Variants in SOX6 observed in about 807,000 individuals in gnomAD.
SOX6 encodes the protein transcription factor SOX-6.
SOX6 carries 11 observed loss-of-function variants against 97.8 expected under a neutral mutation model. The ratio of observed to expected loss-of-function variants is 0.11; its 90% CI spans 0.07 to 0.19. The LOEUF is 0.19. Among genes scored for constraint, SOX6 ranks in the 10% least tolerant of loss-of-function variants. The pLI, the probability that SOX6 is intolerant of heterozygous loss-of-function variation, is 1.00. For missense variants in SOX6, 810 were observed against 1,039.5 expected, an observed-to-expected ratio of 0.78 and a Z score of 3.04; for synonymous variants, 360 against 371.4, an observed-to-expected ratio of 0.97 and a Z score of 0.35.
chr11:16,528,992 C>A (rs1317182520), intron 4 of SOX6, among the ~76,000 whole-genome samples: 1 of 152,002 alleles, frequency 6.6e-6, no homozygotes, highest in African/African-American at 2.4e-5. Flanking sequence ...AAATCTAAAA[C>A]CCATGCCATC....
intron 1 of SOX6, among the ~76,000 whole-genome samples, chr11:16,447,939 A>T (rs145813937): frequency 4.2e-4 from 64 of 152,352 alleles, no homozygotes; most frequent in African/African-American, 1.3e-3. Context: ...GGGCAGAAAC[A>T]GAGCTAATCA....
At chr11:16,726,537 G>C (rs1267823406) in intron 2 of SOX6, among the ~76,000 whole-genome samples, 1 of 152,176 alleles carries the variant, frequency 6.6e-6, no homozygotes, top group Non-Finnish European at 1.5e-5. Flanking sequence ...CCTCAGTAAA[G>C]CTATTATTTA....
In SOX6 at chr11:16,116,056, G is replaced by A. The variant is rs951813335; in HGVS notation, c.778-4133C>T. 1.1e-4 allele frequency among the ~76,000 whole-genome samples: 17 copies of A among 152,088 alleles called. 1 individual carries two copies. Among genetic ancestry groups the A allele is most frequent in the Non-Finnish European group, 5.9e-5 (4 of 68,010 alleles). The stretch of plus-strand genomic sequence containing the variant: ...AAGTAAAACAATAAACTTATTTTAA[G>A]TAAAATGATGTAAAAACTCCAAGTG... On this transcript the variant is annotated intron_variant, in intron 6 of 15. Transcript: ENST00000683767.
rs575264712 is a variant in SOX6, at chr11:16,144,122, G to A, written c.778-32199C>T. Reference sequence around the variant, plus strand: ...GGAAGTAAAGCACTCCGCAGCAAATGTAAAAGAACAGAAATTATAATAAAC... The same window carrying A: ...GGAAGTAAAGCACTCCGCAGCAAATATAAAAGAACAGAAATTATAATAAAC... On this transcript the variant is annotated intron_variant, in intron 6 of 15. Coordinates refer to ENST00000683767, the MANE Select transcript of SOX6 (RefSeq NM_001367873.1). 1.0e-3 allele frequency among the ~76,000 whole-genome samples: 159 copies of A among 152,252 alleles called. 1 individual carries two copies. Among genetic ancestry groups the A allele is most frequent in the African/African-American group, 3.6e-3 (148 of 41,536 alleles).
Position 16,674,541 on chromosome 11 carries a change from C to T in SOX6, n.429+40289G>A, listed in dbSNP as rs571716879. ...AGTAATTCAACGTAGTACTGAAGTC[C>T]TAGCTAGGGCAATCAGACAAGAGAA... is the stretch of plus-strand genomic sequence containing the variant. On this transcript the variant is annotated intron_variant and non_coding_transcript_variant, in intron 3 of 5. Transcript: ENST00000524520. Among the ~76,000 whole-genome samples the T allele has an allele frequency of 2.0e-5, 3 of 152,298 alleles. No individual in the cohort carries two copies. In the South Asian group the frequency reaches 6.2e-4, roughly 32 times the overall value.
At chr11:16,158,525 C>A (rs973338057) in intron 6 of SOX6, among the ~76,000 whole-genome samples, 1 of 151,950 alleles carries the variant, frequency 6.6e-6, no homozygotes, top group African/African-American at 2.4e-5. Flanking sequence ...CCTGTTTCTT[C>A]ATATTATTGG....
intron 12 of SOX6, chr11:16,031,433 C>G (rs1416669701): frequency 6.6e-6 from 1 of 152,178 alleles, no homozygotes. Context: ...CCCCCCTAGG[C>G]TGTGCAACTG....
At chr11:16,692,607 T>A (rs1405443734) in intron 3 of SOX6, among the ~76,000 whole-genome samples, 1 of 152,208 alleles carries the variant, frequency 6.6e-6, no homozygotes, top group Non-Finnish European at 1.5e-5. Flanking sequence ...AATATCCAGC[T>A]TGGAGTCTGA....
intron 2 of SOX6, among the ~76,000 whole-genome samples, chr11:16,322,947 G>A (rs1855970398): frequency 6.6e-6 from 1 of 152,126 alleles, no homozygotes; most frequent in Non-Finnish European, 1.5e-5. Flanking sequence ...AACAACCACT[G>A]TTTAACACGA....
chr11:16,259,323 T>C (rs566528334), intron 3 of SOX6, among the ~76,000 whole-genome samples: 86 of 152,164 alleles, frequency 5.7e-4, no homozygotes, highest in African/African-American at 1.9e-3. Context: ...TGCTCATACA[T>C]TGGAAATCAC....
intron 9 of SOX6, among the ~76,000 whole-genome samples, chr11:16,059,501 C>T (rs1847895474): frequency 6.6e-6 from 1 of 151,408 alleles, no homozygotes; most frequent in Non-Finnish European, 1.5e-5. Flanking sequence ...TTCAGATGGA[C>T]AAATAAAAAA....
chr11:16,443,644 G>A (rs1296240392), intron 1 of SOX6, among the ~76,000 whole-genome samples: 1 of 152,040 alleles, frequency 6.6e-6, no homozygotes, highest in Non-Finnish European at 1.5e-5. Flanking sequence ...GCATATTGCT[G>A]GGGTTTGATG....
At chr11:16,047,738 G>C (rs752826229) in intron 11 of SOX6, among the ~76,000 whole-genome samples, 2 of 148,090 alleles carry the variant, frequency 1.4e-5, no homozygotes, top group Non-Finnish European at 3.0e-5. Context: ...GTGTGTGTAT[G>C]TGTGTGTATA....
At chr11:16,334,516 C>T (rs1856401787) in intron 2 of SOX6, among the ~76,000 whole-genome samples, 1 of 151,740 alleles carries the variant, frequency 6.6e-6, no homozygotes, top group Non-Finnish European at 1.5e-5. Flanking sequence ...TAACCTCCAT[C>T]TCCCAGGTTC....
intron 6 of SOX6, among the ~76,000 whole-genome samples, chr11:16,131,026 A>G (rs1849727496): frequency 6.6e-6 from 1 of 151,968 alleles, no homozygotes; most frequent in African/African-American, 2.4e-5. Flanking sequence ...AAAACATAAG[A>G]GAAAATCTTT....
rs542460447 is a variant in SOX6 at position 16,182,808 on chromosome 11, G to A, written c.777+1078C>T. Among the ~76,000 whole-genome samples, 30 of 151,922 alleles carry A rather than the reference G, an allele frequency of 2.0e-4. No individual in the cohort carries two copies. The South Asian group carries it at 5.8e-3, about 29-fold the overall frequency. ...GTGCAGTAACTACCTGGAACACTGA[G>A]TATGATTAACAAAATGAAGCAAGGA... is the stretch of plus-strand genomic sequence containing the variant. On this transcript the variant is annotated intron_variant, in intron 6 of 15. Transcript: ENST00000683767.
chr11:16,466,446 T>C (rs1195161880), intron 1 of SOX6, among the ~76,000 whole-genome samples: 1 of 152,122 alleles, frequency 6.6e-6, no homozygotes, highest in Non-Finnish European at 1.5e-5. Flanking sequence ...TATAGATCAC[T>C]GTTATAAAAT....
At chr11:16,676,380 T>C (rs1564866310) in intron 3 of SOX6, among the ~76,000 whole-genome samples, 1 of 152,216 alleles carries the variant, frequency 6.6e-6, no homozygotes, top group African/African-American at 2.4e-5. Context: ...ATAAAATCTT[T>C]GTCTAGTGAA....
intron 4 of SOX6, among the ~76,000 whole-genome samples, chr11:16,516,645 G>C (rs1208911702): frequency 2.0e-5 from 3 of 150,232 alleles, no homozygotes; most frequent in Non-Finnish European, 3.0e-5. Flanking sequence ...TTGAATCTCT[G>C]AATAGACCAA....
Sources: allele counts gnomAD v4.1 joint callset (sites outside exome capture counted in the v4.1 genomes callset), GRCh38; gene constraint gnomAD v4.1.1; transcripts MANE v1.5; gene names NCBI Gene and HGNC (gene_info 2026-07-23, HGNC 2026-07-21).